CDKN2B-AS1: variants seen among roughly 807,000 people sequenced by gnomAD.
The protein encoded by CDKN2B-AS1 is CDKN2B and CDKN2A antisense cis and trans regulatory RNA 1.
chr9:22,004,307 G>A (rs1821062907), intron 1 of CDKN2B-AS1: 1 of 232,240 alleles, frequency 4.3e-6, no homozygotes, highest in Non-Finnish European at 8.5e-6. Flanking sequence ...ACTCTCAAAT[G>A]ACTTGTTTCT....
intron 4 of CDKN2B-AS1, among the ~76,000 whole-genome samples, chr9:22,101,965 C>T (rs904597487): frequency 2.0e-5 from 3 of 152,124 alleles, no homozygotes; most frequent in East Asian, 1.9e-4. Flanking sequence ...TGGAAGGATC[C>T]GTTAGCTCCA....
At chr9:22,061,463 A>G (rs1056814845) in intron 4 of CDKN2B-AS1, among the ~76,000 whole-genome samples, 1 of 152,212 alleles carries the variant, frequency 6.6e-6, no homozygotes, top group Non-Finnish European at 1.5e-5. Flanking sequence ...AAGATCTTTA[A>G]AAAGTATATA....
At chr9:22,049,649 A>G (rs1823258709) in intron 3 of CDKN2B-AS1, among the ~76,000 whole-genome samples, 1 of 152,192 alleles carries the variant, frequency 6.6e-6, no homozygotes, top group South Asian at 2.1e-4. Context: ...GGCATTCTTC[A>G]GAGAGCTGGG....
chr9:22,044,534 A>T (rs562622473), intron 1 of CDKN2B-AS1, among the ~76,000 whole-genome samples: 1 of 152,160 alleles, frequency 6.6e-6, no homozygotes, highest in South Asian at 2.1e-4. Flanking sequence ...TGATTCTGTA[A>T]AAAACACTTT....
intron 1 of CDKN2B-AS1, chr9:22,008,805 G>C (rs1423790481): frequency 6.2e-7 from 1 of 1,604,764 alleles, no homozygotes; most frequent in South Asian, 1.1e-5. Context: ...TACCTGGATC[G>C]CGCGCCTCCC....
chr9:22,048,475 AAG>A, intron 2 of CDKN2B-AS1, among the ~76,000 whole-genome samples: 1 of 152,332 alleles, frequency 6.6e-6, no homozygotes, highest in Admixed American at 6.5e-5. Flanking sequence ...TCTGGCAGAT[AAG>A]AGGTCTCCAC....
intron 2 of CDKN2B-AS1, among the ~76,000 whole-genome samples, chr9:22,048,721 C>T (rs889715736): frequency 1.2e-4 from 18 of 152,116 alleles, no homozygotes; most frequent in African/African-American, 3.9e-4. Flanking sequence ...TGGAATAAGA[C>T]ATTTGGGAGA....
chr9:22,077,072 T>C lies in CDKN2B-AS1; in HGVS notation n.438+20685T>C, dbSNP rs369600365. On this transcript the variant is annotated intron_variant and non_coding_transcript_variant, in intron 4 of 4. Transcript: ENST00000650946. The stretch of plus-strand genomic sequence containing the variant: ...CCTACATATTTGCTACTTTGTATCC[T>C]TTGAGGTACATCTACCCATTTCCTC... Among the ~76,000 whole-genome samples, 8 of 152,302 alleles carry C rather than the reference T, an allele frequency of 5.3e-5. No homozygotes were observed. In the East Asian group the frequency reaches 1.5e-3, roughly 29 times the overall value.
At chr9:22,023,122 G>A (rs1160565814) in intron 1 of CDKN2B-AS1, among the ~76,000 whole-genome samples, 1 of 152,070 alleles carries the variant, frequency 6.6e-6, no homozygotes, top group African/African-American at 2.4e-5. Context: ...TTATTATGGG[G>A]TATCTTACTG....
At position 22,014,599 on chromosome 9, in the gene CDKN2B-AS1, A is replaced by G. The variant is rs1290657473; in HGVS notation, n.29+19438A>G. Among the ~76,000 whole-genome samples the G allele has an allele frequency of 3.9e-5, 6 of 152,166 alleles. No individual in the cohort carries two copies. The East Asian group carries it at 1.2e-3, about 29-fold the overall frequency. On this transcript the variant is annotated intron_variant and non_coding_transcript_variant, in intron 1 of 4. Coordinates refer to ENST00000650946, the Ensembl canonical transcript of CDKN2B-AS1. ...TCAAAATAATGAGTTGAGTCCTAGA[A>G]TCTTTCTTTTATTATTATTATTATT... is the stretch of plus-strand genomic sequence containing the variant.
At chr9:22,058,601 C>T (rs931854548) in intron 4 of CDKN2B-AS1, 27 of 152,246 alleles carry the variant, frequency 1.8e-4, no homozygotes, top group African/African-American at 6.3e-4. Context: ...TGGTAACAAA[C>T]AACCTCAAAA....
rs977022366 is a variant in CDKN2B-AS1, at chr9:22,005,811, A to C, written n.29+10650A>C. The C allele has an allele frequency of 1.3e-6, 1 of 792,770 alleles. No homozygotes were observed. Among genetic ancestry groups the C allele is most frequent in the African/African-American group, 1.7e-5 (1 of 57,930 alleles). The allele number at this position is 792,770 out of a possible 1,614,324, so 49.1% of individuals were successfully genotyped here. On this transcript the variant is annotated intron_variant and non_coding_transcript_variant, in intron 1 of 4. Transcript: ENST00000650946. This position sits in a 1 kb window ranked among gnomAD's most constrained non-coding sequence, Gnocchi z 4.9. Reference sequence around the variant, plus strand: ...TCGAGGGCCAGATAAGACAAAGAAAAAAATGTATGGAAGGTTATTCCCGGT... The same window carrying C: ...TCGAGGGCCAGATAAGACAAAGAAACAAATGTATGGAAGGTTATTCCCGGT...
intron 4 of CDKN2B-AS1, among the ~76,000 whole-genome samples, chr9:22,076,635 C>T (rs1824502859): frequency 6.6e-6 from 1 of 152,180 alleles, no homozygotes. Flanking sequence ...ATTGCAAGAG[C>T]AGCTATAGTT....
intron 4 of CDKN2B-AS1, among the ~76,000 whole-genome samples, chr9:22,088,422 C>G (rs917601593): frequency 2.1e-5 from 3 of 142,950 alleles, no homozygotes; most frequent in Admixed American, 1.4e-4. Flanking sequence ...CACAATTGCA[C>G]ACATACACAA....
intron 1 of CDKN2B-AS1, among the ~76,000 whole-genome samples, chr9:22,010,937 T>C (rs1053159916): frequency 1.4e-4 from 21 of 152,216 alleles, no homozygotes; most frequent in African/African-American, 4.6e-4. Context: ...ATAATGTTTT[T>C]CTTTGAGGGG....
intron 4 of CDKN2B-AS1, chr9:22,118,621 CT>C (rs1826019816): frequency 6.6e-6 from 1 of 152,178 alleles, no homozygotes; most frequent in Admixed American, 6.5e-5. Context: ...ATGGTTTTCC[CT>C]TTACCTTTCG....
intron 4 of CDKN2B-AS1, among the ~76,000 whole-genome samples, chr9:22,084,928 A>G (rs757207161): frequency 2.0e-5 from 3 of 152,200 alleles, no homozygotes; most frequent in Non-Finnish European, 4.4e-5. Context: ...GTAATATGAT[A>G]CTTAATCTCC....
chr9:22,092,776 C>T (rs1297643606), intron 4 of CDKN2B-AS1, among the ~76,000 whole-genome samples: 2 of 152,172 alleles, frequency 1.3e-5, no homozygotes, highest in East Asian at 3.9e-4. Context: ...AAAACCAGCT[C>T]CTGGATTCAT....
At chr9:22,071,952 T>G (rs977178340) in intron 4 of CDKN2B-AS1, among the ~76,000 whole-genome samples, 3 of 152,214 alleles carry the variant, frequency 2.0e-5, no homozygotes, top group Admixed American at 6.5e-5. Context: ...AAGAGCAGAA[T>G]TACAAAGAGT....
Sources: allele counts gnomAD v4.1 joint callset (sites outside exome capture counted in the v4.1 genomes callset), GRCh38; gene constraint gnomAD v4.1.1; non-coding constraint Gnocchi (gnomAD v3.1); transcripts MANE v1.5; gene names NCBI Gene and HGNC (gene_info 2026-07-23, HGNC 2026-07-21).